The following RTN1 variants were observed in gnomAD, a reference collection of about 807,000 sequenced individuals.
The protein encoded by RTN1 is reticulon 1.
A neutral mutation model predicts 65.5 loss-of-function variants in RTN1; 25 were observed. The observed-to-expected ratio is 0.38, with a 90% CI of 0.28 to 0.53. The LOEUF is 0.53. Among genes scored for constraint, RTN1 ranks in the 20% least tolerant of loss-of-function variants. The pLI is 0.79. For missense variants in RTN1, 983 were observed against 1,025.4 expected (o/e 0.96, Z 0.57); for synonymous variants, 471 against 447.6 (o/e 1.05, Z -0.66).
At chr14:59,629,149 A>C (rs1423832352) in intron 3 of RTN1, among the ~76,000 whole-genome samples, 3 of 152,182 alleles carry the variant, frequency 2.0e-5, no homozygotes, top group African/African-American at 7.2e-5. Context: ...ACTGGCATAC[A>C]TTTCTTATTT....
At chr14:59,681,603 G>A (rs1883747152) in intron 3 of RTN1, among the ~76,000 whole-genome samples, 1 of 152,058 alleles carries the variant, frequency 6.6e-6, no homozygotes, top group African/African-American at 2.4e-5. Context: ...CCAGACATGG[G>A]TACCACCAGC....
chr14:59,710,499 G>T (rs779664465), intron 3 of RTN1, among the ~76,000 whole-genome samples: 1 of 152,240 alleles, frequency 6.6e-6, no homozygotes, highest in Non-Finnish European at 1.5e-5. Context: ...ACCAGAATTG[G>T]AGGCTTGAGC....
chr14:59,846,641 A>T lies in RTN1; in HGVS notation c.241+23749T>A, dbSNP rs527696347. On this transcript the variant is annotated intron_variant, in intron 1 of 8. Transcript: ENST00000267484. The surrounding 1 kb of genome is among the most constrained non-coding windows in gnomAD (Gnocchi z 4.8). The stretch of plus-strand genomic sequence containing the variant: ...ACAGGGAGTTTATTTAAAGTTTCAC[A>T]TTTTAAAACTATGTGTGCTTTTACT... Among the ~76,000 whole-genome samples, 26 of 152,298 alleles carry T rather than the reference A, an allele frequency of 1.7e-4. No individual in the cohort carries two copies. The East Asian group carries it at 4.6e-3, about 27-fold the overall frequency.
chr14:59,777,274 G>A (rs1469254191), intron 1 of RTN1, among the ~76,000 whole-genome samples: 1 of 152,080 alleles, frequency 6.6e-6, no homozygotes, highest in Non-Finnish European at 1.5e-5. Context: ...TAAAATCCCT[G>A]GGAGTCTGGT....
chr14:59,853,107 T>C (rs1170630244), intron 1 of RTN1, among the ~76,000 whole-genome samples: 1 of 152,198 alleles, frequency 6.6e-6, no homozygotes, highest in Non-Finnish European at 1.5e-5. Context: ...AGTTATTTCA[T>C]TTCCCCATCC....
intron 3 of RTN1, among the ~76,000 whole-genome samples, chr14:59,703,843 T>C (rs575144920): frequency 1.4e-3 from 215 of 152,340 alleles, no homozygotes; most frequent in South Asian, 4.1e-3. Context: ...CCAACACTCA[T>C]ATGACCATTA....
At chr14:59,817,556 TCCA>T (rs988031162) in intron 1 of RTN1, among the ~76,000 whole-genome samples, 8 of 152,158 alleles carry the variant, frequency 5.3e-5, no homozygotes, top group African/African-American at 1.9e-4. Flanking sequence ...TTCGGTGTCC[TCCA>T]CCACTTCTTT....
chr14:59,783,721 A>G (rs1886198311), intron 1 of RTN1, among the ~76,000 whole-genome samples: 1 of 152,180 alleles, frequency 6.6e-6, no homozygotes, highest in Non-Finnish European at 1.5e-5. Flanking sequence ...TGTTACCTGA[A>G]TAGCACAGGG....
chr14:59,662,295 T>C (rs1883266805), intron 3 of RTN1, among the ~76,000 whole-genome samples: 1 of 151,698 alleles, frequency 6.6e-6, no homozygotes, highest in Non-Finnish European at 1.5e-5. Flanking sequence ...TATCTCCTAA[T>C]GCTATCCTTC....
intron 3 of RTN1, among the ~76,000 whole-genome samples, chr14:59,715,626 G>A (rs1444963849): frequency 6.6e-6 from 1 of 152,124 alleles, no homozygotes; most frequent in African/African-American, 2.4e-5. Context: ...AGGAGTTCGA[G>A]ACCAGCCTGG....
chr14:59,787,620 T>C (rs1382920867), intron 1 of RTN1, among the ~76,000 whole-genome samples: 4 of 152,126 alleles, frequency 2.6e-5, no homozygotes, highest in Non-Finnish European at 5.9e-5. Context: ...TGTGATAAAA[T>C]TGTGTTTACC....
At chr14:59,692,794 A>C (rs1257342543) in intron 3 of RTN1, among the ~76,000 whole-genome samples, 1 of 152,222 alleles carries the variant, frequency 6.6e-6, no homozygotes, top group African/African-American at 2.4e-5. Flanking sequence ...CAAGGTTGAT[A>C]TATCTTAAAT....
chr14:59,817,805 T>C (rs554543197), intron 1 of RTN1, among the ~76,000 whole-genome samples: 1 of 152,296 alleles, frequency 6.6e-6, no homozygotes, highest in South Asian at 2.1e-4. Context: ...CTATTTTTGC[T>C]AGTTAAATAG....
At chr14:59,657,286 G>A (rs1049239973) in intron 3 of RTN1, among the ~76,000 whole-genome samples, 1 of 152,188 alleles carries the variant, frequency 6.6e-6, no homozygotes, top group Non-Finnish European at 1.5e-5. Context: ...GCACATGCCT[G>A]TAATCACAGC....
At chr14:59,741,171 C>T (rs570251301) in intron 2 of RTN1, among the ~76,000 whole-genome samples, 15 of 152,258 alleles carry the variant, frequency 9.9e-5, no homozygotes, top group African/African-American at 3.6e-4. Flanking sequence ...CTTCCCCCTC[C>T]TCCAGCCAAG....
rs376652210 is a variant in RTN1 at position 59,625,982 on chromosome 14, C to G, written c.1766-18490G>C. On this transcript the variant is annotated intron_variant, in intron 3 of 8. Coordinates refer to ENST00000267484, the MANE Select transcript of RTN1 (RefSeq NM_021136.3). ...TTTTCCCATTGGATCCCATTAGAAT[C>G]TTTAGAGCCAGGGAGTCTGCAATTG... Among the ~76,000 whole-genome samples the G allele has an allele frequency of 2.6e-5, 4 of 152,256 alleles. No individual in the cohort carries two copies. The South Asian group carries it at 8.3e-4, about 32-fold the overall frequency.
At chr14:59,618,972 G>T (rs1245192229) in intron 3 of RTN1, among the ~76,000 whole-genome samples, 1 of 152,118 alleles carries the variant, frequency 6.6e-6, no homozygotes, top group Non-Finnish European at 1.5e-5. Flanking sequence ...GACAAATGTT[G>T]TCTCGATGCC....
intron 1 of RTN1, among the ~76,000 whole-genome samples, chr14:59,797,683 TA>T (rs1156588800): frequency 6.6e-6 from 1 of 152,192 alleles, no homozygotes; most frequent in African/African-American, 2.4e-5. Context: ...TTATTAGAAT[TA>T]TTTCTTTGGT....
chr14:59,679,298 C>G (rs1883695365), intron 3 of RTN1, among the ~76,000 whole-genome samples: 1 of 152,196 alleles, frequency 6.6e-6, no homozygotes, highest in Non-Finnish European at 1.5e-5. Context: ...ATTGAGTTAT[C>G]TATTAAACAA....
Sources: gnomAD v4.1 joint callset for allele counts (sites outside exome capture counted in the v4.1 genomes callset) on GRCh38, gnomAD v4.1.1 for gene constraint, Gnocchi (gnomAD v3.1) non-coding constraint, MANE v1.5 for transcripts, NCBI Gene and HGNC (gene_info 2026-07-23, HGNC 2026-07-21) for gene names.